SCP2: variants seen among roughly 807,000 people sequenced by gnomAD.
The protein encoded by SCP2 is SCP-2/3-oxoacyl-CoA thiolase.
SCP2 carries 48 observed loss-of-function variants against 71.4 expected under a neutral mutation model. That is an observed-to-expected ratio of 0.67 (90% CI 0.53 to 0.86). SCP2 has a LOEUF of 0.86. SCP2 is among the 40% of genes least tolerant of loss of function. SCP2 has a pLI of 0.00. For synonymous variants in SCP2, 220 were observed against 218.1 expected (o/e 1.01, Z -0.08); for missense variants, 560 against 655.6 (o/e 0.85, Z 1.59).
chr1:53,038,219 G>C (rs555994088), intron 13 of SCP2, among the ~76,000 whole-genome samples: 1 of 137,436 alleles, frequency 7.3e-6, no homozygotes, highest in Non-Finnish European at 1.5e-5. Flanking sequence ...CCATTTATAC[G>C]CTTATATATA....
intron 14 of SCP2, 131 bp downstream of exon 14, chr1:53,039,177 A>G: frequency 1.7e-6 from 2 of 1,158,744 alleles, no homozygotes; most frequent in Non-Finnish European, 2.5e-6. Context: ...AGTAAATTCC[A>G]GGGAACAGGA....
intron 6 of SCP2, among the ~76,000 whole-genome samples, chr1:52,969,857 C>T (rs1006612910): frequency 2.6e-5 from 4 of 151,798 alleles, no homozygotes; most frequent in Admixed American, 2.6e-4. Flanking sequence ...AAAAAGTGGC[C>T]TTTTGTGACT....
At chr1:52,956,748 G>A (rs1267465199) in intron 5 of SCP2, among the ~76,000 whole-genome samples, 1 of 152,040 alleles carries the variant, frequency 6.6e-6, no homozygotes, top group Non-Finnish European at 1.5e-5. Flanking sequence ...TAATGTTTAT[G>A]ATACATGAAA....
At chr1:52,944,210 G>T (rs1309287657) in intron 2 of SCP2, among the ~76,000 whole-genome samples, 1 of 152,106 alleles carries the variant, frequency 6.6e-6, no homozygotes, top group Non-Finnish European at 1.5e-5. Flanking sequence ...TTGTTGCCAG[G>T]CAACCCAAAA....
At chr1:53,048,102 G>A in intron 15 of SCP2, 165 bp downstream of exon 15, 1 of 650,530 alleles carries the variant, frequency 1.5e-6, no homozygotes, top group Non-Finnish European at 2.9e-6. Flanking sequence ...GCCACACACT[G>A]TCTTGTGTGC....
At chr1:53,018,922 C>T (rs929063274) in intron 12 of SCP2, among the ~76,000 whole-genome samples, 1 of 152,078 alleles carries the variant, frequency 6.6e-6, no homozygotes, top group African/African-American at 2.4e-5. Context: ...TCTTTAGTTT[C>T]CTTTAATGTG....
chr1:52,938,211 C>T (rs1036713359), intron 1 of SCP2, among the ~76,000 whole-genome samples: 2 of 152,254 alleles, frequency 1.3e-5, no homozygotes, highest in East Asian at 3.9e-4. Context: ...GACTGAGGCT[C>T]AGGAGACAAG....
intron 13 of SCP2, among the ~76,000 whole-genome samples, chr1:53,038,365 C>T (rs1277517365): frequency 6.6e-6 from 1 of 151,990 alleles, no homozygotes; most frequent in African/African-American, 2.4e-5. Flanking sequence ...GAAAATGCTG[C>T]CCTGTCCCTC....
chr1:52,985,087 C>T (rs1236530130), intron 10 of SCP2, among the ~76,000 whole-genome samples: 1 of 152,094 alleles, frequency 6.6e-6, no homozygotes. Flanking sequence ...AGGTGATCCA[C>T]CCACCCCAGC....
chr1:52,987,000 ATATATATT>A (rs1157521091), intron 10 of SCP2, among the ~76,000 whole-genome samples: 1 of 88,956 alleles, frequency 1.1e-5, no homozygotes, highest in Non-Finnish European at 2.1e-5. Flanking sequence ...ATATATATAT[ATATATATT>A]TTTTTTTTTT....
At chr1:53,001,301 C>G (rs1660302096) in intron 11 of SCP2, among the ~76,000 whole-genome samples, 1 of 152,140 alleles carries the variant, frequency 6.6e-6, no homozygotes. Flanking sequence ...ATGGCAGGGT[C>G]ATGAAGATTT....
intron 14 of SCP2, among the ~76,000 whole-genome samples, chr1:53,043,937 C>T (rs894124612): frequency 1.3e-5 from 2 of 152,108 alleles, no homozygotes; most frequent in Non-Finnish European, 2.9e-5. Context: ...GTTAGGATGA[C>T]CATTGAATCT....
intron 11 of SCP2, among the ~76,000 whole-genome samples, chr1:52,998,673 G>A (rs1660102751): frequency 6.6e-6 from 1 of 152,218 alleles, no homozygotes; most frequent in South Asian, 2.1e-4. Context: ...ATTTCAAACA[G>A]TGGAATCATT....
intron 14 of SCP2, among the ~76,000 whole-genome samples, chr1:53,041,395 C>G (rs1663420575): frequency 7.1e-6 from 1 of 141,246 alleles, no homozygotes; most frequent in Admixed American, 7.1e-5. Context: ...GAGCAAGACT[C>G]TGTCTTGAGA....
chr1:53,026,977 C>T (rs1415980250), intron 12 of SCP2, among the ~76,000 whole-genome samples: 1 of 145,678 alleles, frequency 6.9e-6, no homozygotes, highest in African/African-American at 2.6e-5. Flanking sequence ...CTCACTCTGT[C>T]ACCCAGGATG....
At chr1:52,977,651 G>A (rs1480192895) in intron 8 of SCP2, among the ~76,000 whole-genome samples, 1 of 152,160 alleles carries the variant, frequency 6.6e-6, no homozygotes, top group Non-Finnish European at 1.5e-5. Context: ...AGGCAAATTG[G>A]TAATTCTTTG....
At chr1:52,927,657 C>T (rs565074270) in intron 1 of SCP2, among the ~76,000 whole-genome samples, 192 bp downstream of exon 1, 60 of 152,316 alleles carry the variant, frequency 3.9e-4, no homozygotes, top group African/African-American at 1.3e-3. Flanking sequence ...CCTTCTGCTT[C>T]CTCCTTCCCT....
intron 11 of SCP2, chr1:52,994,349 T>C (rs1001290485): frequency 3.3e-6 from 3 of 913,158 alleles, no homozygotes; most frequent in Admixed American, 1.1e-4. Flanking sequence ...ATATGATATT[T>C]CATTTTAGTT....
At chr1:52,954,001 AC>A (rs749604604) in intron 4 of SCP2, among the ~76,000 whole-genome samples, 7 of 150,990 alleles carry the variant, frequency 4.6e-5, no homozygotes, top group Non-Finnish European at 7.4e-5. Context: ...AACAAAAAAA[AC>A]AACCAAAACC....
Sources: allele counts gnomAD v4.1 joint callset (sites outside exome capture counted in the v4.1 genomes callset), GRCh38; gene constraint gnomAD v4.1.1; transcripts MANE v1.5; gene names NCBI Gene and HGNC (gene_info 2026-07-23, HGNC 2026-07-21).